Variants in SLC24A2 observed in about 807,000 individuals in gnomAD.
The protein encoded by SLC24A2 is solute carrier family 24 member 2.
In SLC24A2, 36 loss-of-function variants were observed where a neutral mutation model predicts 62.0. That is an observed-to-expected ratio of 0.58 (90% CI 0.44 to 0.77). The LOEUF is 0.77. Among genes scored for constraint, SLC24A2 ranks in the 30% least tolerant of loss-of-function variants. The probability of loss-of-function intolerance (pLI) is 0.00; values close to 1 mark genes in which losing one functional copy is unlikely to be tolerated. For missense variants in SLC24A2, 846 were observed against 817.9 expected (o/e 1.03, Z -0.42); for synonymous variants, 358 against 294.0 (o/e 1.22, Z -2.23).
chr9:20,263,977 C>T, the SLC24A2 span, among the ~76,000 whole-genome samples: 1 of 151,240 alleles, frequency 6.6e-6, no homozygotes, highest in Non-Finnish European at 1.5e-5. Flanking sequence ...TCCTTTCTTG[C>T]TCTGCACCTC....
intron 2 of SLC24A2, among the ~76,000 whole-genome samples, chr9:19,760,920 G>A (rs11792520): frequency 6.6e-6 from 1 of 151,198 alleles, no homozygotes; most frequent in Non-Finnish European, 1.5e-5. Flanking sequence ...TTGCCGGGTG[G>A]GGGGAGGGTG....
At chr9:20,221,474 C>T in the SLC24A2 span, among the ~76,000 whole-genome samples, 1 of 151,622 alleles carries the variant, frequency 6.6e-6, no homozygotes, top group Non-Finnish European at 1.5e-5. Context: ...ATGATGAGGA[C>T]AGAGGAGTTG....
the SLC24A2 span, among the ~76,000 whole-genome samples, chr9:19,908,255 A>G: frequency 7.6e-6 from 1 of 131,232 alleles, no homozygotes; most frequent in Middle Eastern, 3.5e-3. Flanking sequence ...TACTTAATAA[A>G]TGGTGCTGGG....
the SLC24A2 span, among the ~76,000 whole-genome samples, chr9:20,286,049 C>A: frequency 6.6e-6 from 1 of 152,184 alleles, no homozygotes; most frequent in African/African-American, 2.4e-5. Flanking sequence ...GTCCCCTTCC[C>A]AGGAAGGAAG....
At chr9:20,263,794 C>A in the SLC24A2 span, among the ~76,000 whole-genome samples, 1 of 149,620 alleles carries the variant, frequency 6.7e-6, no homozygotes, top group African/African-American at 2.4e-5. Context: ...CCATCCTGAA[C>A]ACTTCCATTG....
chr9:19,754,436 C>A (rs1182679), intron 2 of SLC24A2, among the ~76,000 whole-genome samples: 2 of 152,040 alleles, frequency 1.3e-5, no homozygotes, highest in East Asian at 3.9e-4. Flanking sequence ...TCAATGACAG[C>A]GGGACTGGTG....
the SLC24A2 span, among the ~76,000 whole-genome samples, chr9:20,169,501 A>T: frequency 6.6e-6 from 1 of 152,022 alleles, no homozygotes; most frequent in Non-Finnish European, 1.5e-5. Context: ...AGTTCACATC[A>T]CAGAACTTTG....
chr9:19,579,458 T>C (rs1334401172), intron 5 of SLC24A2, among the ~76,000 whole-genome samples: 1 of 152,102 alleles, frequency 6.6e-6, no homozygotes, highest in Non-Finnish European at 1.5e-5. Flanking sequence ...AATCATCTGG[T>C]TTTCCACCCA....
At chr9:19,870,856 T>C in the SLC24A2 span, among the ~76,000 whole-genome samples, 1 of 152,142 alleles carries the variant, frequency 6.6e-6, no homozygotes, top group African/African-American at 2.4e-5. Flanking sequence ...TTGGGTTATT[T>C]TTTCTTTTTA....
chr9:19,951,248 G>A, the SLC24A2 span, among the ~76,000 whole-genome samples: 2 of 146,916 alleles, frequency 1.4e-5, no homozygotes, highest in Non-Finnish European at 3.1e-5. Flanking sequence ...GTGTGTGTGT[G>A]TGTGTGTGTG....
the SLC24A2 span, among the ~76,000 whole-genome samples, chr9:19,834,137 A>AG: frequency 5.3e-5 from 8 of 152,344 alleles, no homozygotes; most frequent in African/African-American, 1.7e-4. Context: ...AAAACAGAGC[A>AG]GAAAAACTGG....
the SLC24A2 span, among the ~76,000 whole-genome samples, chr9:19,848,312 C>G: frequency 6.6e-6 from 1 of 152,112 alleles, no homozygotes; most frequent in Non-Finnish European, 1.5e-5. Context: ...AAATATTACG[C>G]TAAACATTGG....
chr9:19,508,344 A>T lies in SLC24A2; in HGVS notation c.*7809T>A, dbSNP rs929757912. The stretch of plus-strand genomic sequence containing the variant: ...GGAATATCACTGGCCCTTGGTTCAG[A>T]TACCCTTTCTTTAGGGCAATTTGGC... On this transcript the variant is annotated 3_prime_UTR_variant, in exon 11 of 11. Transcript: ENST00000341998. The T allele has an allele frequency of 6.6e-6, 1 of 152,176 alleles. No individual in the cohort carries two copies. Among genetic ancestry groups the T allele is most frequent in the African/African-American group, 2.4e-5 (1 of 41,424 alleles). The allele number at this position is 152,176 out of a possible 1,614,324, so 9.4% of individuals were successfully genotyped here.
At chr9:19,922,185 T>C in the SLC24A2 span, among the ~76,000 whole-genome samples, 1 of 152,214 alleles carries the variant, frequency 6.6e-6, no homozygotes, top group East Asian at 1.9e-4. Flanking sequence ...GTGGAAAATT[T>C]ATTGTTTCAC....
chr9:20,148,629 G>C, the SLC24A2 span, among the ~76,000 whole-genome samples: 1 of 152,154 alleles, frequency 6.6e-6, no homozygotes, highest in South Asian at 2.1e-4. Context: ...CATTTCAAAA[G>C]AATGGATTTT....
the SLC24A2 span, among the ~76,000 whole-genome samples, chr9:19,894,678 G>A: frequency 6.6e-6 from 1 of 152,140 alleles, no homozygotes; most frequent in South Asian, 2.1e-4. Context: ...TCCAGGATGG[G>A]AGAAGAGAGA....
chr9:19,911,765 T>C, the SLC24A2 span, among the ~76,000 whole-genome samples: 1 of 152,158 alleles, frequency 6.6e-6, no homozygotes, highest in African/African-American at 2.4e-5. Context: ...GGAACTCCAC[T>C]TGACCTGTGG....
chr9:19,710,302 G>A (rs1820676333), intron 2 of SLC24A2, among the ~76,000 whole-genome samples: 1 of 152,134 alleles, frequency 6.6e-6, no homozygotes, highest in Admixed American at 6.5e-5. Context: ...TTTCAGGTAA[G>A]GGGACATAAC....
chr9:19,946,678 C>T, the SLC24A2 span, among the ~76,000 whole-genome samples: 3 of 152,230 alleles, frequency 2.0e-5, no homozygotes, highest in Non-Finnish European at 4.4e-5. Flanking sequence ...AGCACTTCCT[C>T]TTCTCAGATA....
Sources: allele counts gnomAD v4.1 joint callset (sites outside exome capture counted in the v4.1 genomes callset), GRCh38; gene constraint gnomAD v4.1.1; transcripts MANE v1.5; gene names NCBI Gene and HGNC (gene_info 2026-07-23, HGNC 2026-07-21).